Variants in ZNF675 observed in about 807,000 individuals in gnomAD.
ZNF675 encodes zinc finger protein 675, also known as TRAF6 inhibitory zinc finger.
A neutral mutation model predicts 56.1 loss-of-function variants in ZNF675; 36 were observed. The ratio of observed to expected loss-of-function variants is 0.64; its 90% CI spans 0.49 to 0.85. The LOEUF is 0.85. Ranked by LOEUF, ZNF675 falls within the 40% of genes least tolerant of loss-of-function variation. The probability of loss-of-function intolerance (pLI) is 0.00; values close to 1 mark genes in which losing one functional copy is unlikely to be tolerated. For missense variants in ZNF675, 663 were observed against 654.2 expected (o/e 1.01, Z -0.15); for synonymous variants, 200 against 218.9 (o/e 0.91, Z 0.76).
At chr19:23,666,431 G>C (rs1431088005) in intron 1 of ZNF675, among the ~76,000 whole-genome samples, 2 of 152,234 alleles carry the variant, frequency 1.3e-5, no homozygotes, top group African/African-American at 4.8e-5. Flanking sequence ...TCATTTACAT[G>C]AGGTGAGCAC....
intron 1 of ZNF675, among the ~76,000 whole-genome samples, chr19:23,674,066 G>A (rs1029271880): frequency 2.0e-5 from 3 of 151,576 alleles, no homozygotes; most frequent in Non-Finnish European, 4.4e-5. Context: ...AGCCGGGCAT[G>A]GTGGTGGGCA....
At chr19:23,659,216 C>T (rs1160798576) in intron 3 of ZNF675, among the ~76,000 whole-genome samples, 1 of 151,922 alleles carries the variant, frequency 6.6e-6, no homozygotes, top group Non-Finnish European at 1.5e-5. Context: ...ATCTAATTTA[C>T]TTTAGACATT....
chr19:23,674,557 C>A (rs1193524524), intron 1 of ZNF675, among the ~76,000 whole-genome samples: 1 of 149,178 alleles, frequency 6.7e-6, no homozygotes, highest in Non-Finnish European at 1.5e-5. Flanking sequence ...GCAGGAGAAT[C>A]ACTTGAACCC....
intron 1 of ZNF675, among the ~76,000 whole-genome samples, chr19:23,666,389 GC>G (rs1258947634): frequency 6.6e-6 from 1 of 152,186 alleles, no homozygotes; most frequent in Non-Finnish European, 1.5e-5. Context: ...GTTTCTTCCT[GC>G]AACTAATCAG....
At chr19:23,664,804 A>AT (rs377121301) in intron 1 of ZNF675, among the ~76,000 whole-genome samples, 1,705 of 152,230 alleles carry the variant, frequency 0.011, 35 homozygotes, top group African/African-American at 0.038. Context: ...TACACAAATT[A>AT]GCCAGGCATA....
intron 1 of ZNF675, among the ~76,000 whole-genome samples, chr19:23,669,477 A>T (rs1280483082): frequency 1.9e-5 from 1 of 51,582 alleles, no homozygotes; most frequent in African/African-American, 6.2e-5. Flanking sequence ...TCTGAGGTGC[A>T]CGGTGGTGGG....
chr19:23,660,564 ACT>A (rs1968062439), intron 3 of ZNF675, among the ~76,000 whole-genome samples: 1 of 152,142 alleles, frequency 6.6e-6, no homozygotes, highest in African/African-American at 2.4e-5. Context: ...ATAAACTTAA[ACT>A]CTCTGATAAA....
At chr19:23,656,433 C>T (rs569767563) in intron 3 of ZNF675, 1 of 152,180 alleles carries the variant, frequency 6.6e-6, no homozygotes, top group Non-Finnish European at 1.5e-5. Context: ...CCCTTCTCTA[C>T]TAAAAACACA....
At chr19:23,663,968 C>T (rs938490576) in intron 1 of ZNF675, among the ~76,000 whole-genome samples, 3 of 152,054 alleles carry the variant, frequency 2.0e-5, no homozygotes, top group Admixed American at 6.6e-5. Context: ...ATAAAATAAT[C>T]GTGAGAATTC....
intron 3 of ZNF675, chr19:23,657,130 C>T (rs1265986604): frequency 6.6e-6 from 1 of 152,070 alleles, no homozygotes; most frequent in Non-Finnish European, 1.5e-5. Flanking sequence ...GACAGAGAAT[C>T]TCCATACGTT....
Position 23,662,067 on chromosome 19 carries a change from A to C in ZNF675, c.226+47T>G, listed in dbSNP as rs1272145473. 3 of 1,352,320 alleles carry C rather than the reference A, an allele frequency of 2.2e-6. 1 individual carries two copies. Among genetic ancestry groups the C allele is most frequent in the South Asian group, 2.4e-5 (2 of 84,866 alleles). 83.8% of individuals were successfully genotyped at this position (1,352,320 alleles called of 1,614,324 possible). ...GACTGGCTTTCTCTTTGACCTTTGG[A>C]CCTCTCATCAGTGTCACCTGTTGTA... On this transcript the variant is annotated intron_variant, in intron 3 of 3. Coordinates refer to ENST00000359788, the MANE Select transcript of ZNF675 (RefSeq NM_138330.3).
intron 1 of ZNF675, among the ~76,000 whole-genome samples, chr19:23,678,321 G>A (rs1475893813): frequency 6.7e-6 from 1 of 148,782 alleles, no homozygotes; most frequent in African/African-American, 2.5e-5. Context: ...ACTGTGGTGA[G>A]GTCTTGGATC....
chr19:23,660,172 C>T (rs1453984934), intron 3 of ZNF675, among the ~76,000 whole-genome samples: 1 of 152,196 alleles, frequency 6.6e-6, no homozygotes, highest in Non-Finnish European at 1.5e-5. Context: ...GCAGACCCAG[C>T]AGCCTTGTGA....
At chr19:23,677,276 A>G (rs1968310758) in intron 1 of ZNF675, among the ~76,000 whole-genome samples, 1 of 151,614 alleles carries the variant, frequency 6.6e-6, no homozygotes, top group African/African-American at 2.4e-5. Context: ...CTACATCTAA[A>G]AAAAACCTAT....
chr19:23,659,556 T>C (rs374621021), intron 3 of ZNF675, among the ~76,000 whole-genome samples: 13 of 152,278 alleles, frequency 8.5e-5, no homozygotes, highest in African/African-American at 3.1e-4. Context: ...AATAAGTGCC[T>C]TTGAGAGCTT....
Position 23,685,099 on chromosome 19 carries a change from G to A in ZNF675, c.3+1932C>T, listed in dbSNP as rs191134039. Among the ~76,000 whole-genome samples the A allele has an allele frequency of 2.8e-4, 42 of 152,116 alleles. No individual in the cohort carries two copies. In the East Asian group the frequency reaches 7.6e-3, roughly 27 times the overall value. On this transcript the variant is annotated intron_variant, in intron 1 of 3. Transcript: ENST00000359788. ...CGGCTCTCAGCCTCCAAAATAGCTC[G>A]GATTACAGGCAGCCACCACCACGCC...
chr19:23,676,993 C>T (rs530722365), intron 1 of ZNF675, among the ~76,000 whole-genome samples: 7 of 138,178 alleles, frequency 5.1e-5, no homozygotes, highest in Non-Finnish European at 9.4e-5. Context: ...AGAATGGCGG[C>T]GTTAACCCGG....
chr19:23,659,915 T>A (rs1968053179), intron 3 of ZNF675, among the ~76,000 whole-genome samples: 2 of 152,146 alleles, frequency 1.3e-5, no homozygotes, highest in Non-Finnish European at 2.9e-5. Context: ...TGAGCCACAG[T>A]TTATGGTCAG....
Position 23,654,152 on chromosome 19 carries a change from A to G in ZNF675, c.781T>C (p.Cys261Arg). The G allele has an allele frequency of 6.2e-7, 1 of 1,614,076 alleles. No homozygotes were observed. The highest frequency in any genetic ancestry group is 8.5e-7 in the Non-Finnish European group (1 of 1,180,002). ...AREKPYKCEE[C>R]GKAFNQSSHL... The stretch of plus-strand genomic sequence containing the variant: ...GAGGACTGGTTAAAGGCTTTGCCAC[A>G]TTCTTCACATTTGTATGGTTTCTCT... The change falls in exon 4 of 4, where the codon TGT (cysteine) becomes CGT (arginine). Residue 261 changes from cysteine to arginine, a missense_variant. Cys to Arg is a radical substitution (Grantham distance 180, BLOSUM62 -3). Coordinates refer to ENST00000359788, the MANE Select transcript of ZNF675 (RefSeq NM_138330.3).
Sources: allele counts gnomAD v4.1 joint callset (sites outside exome capture counted in the v4.1 genomes callset), GRCh38; gene constraint gnomAD v4.1.1; transcripts MANE v1.5; gene names NCBI Gene and HGNC (gene_info 2026-07-23, HGNC 2026-07-21).